The following TRIP4 variants were observed in gnomAD, a reference collection of about 807,000 sequenced individuals.
TRIP4 encodes the protein thyroid hormone receptor interactor 4.
Under a neutral mutation model 81.8 loss-of-function variants are expected in TRIP4, and 54 were observed. That is an observed-to-expected ratio of 0.66 (90% CI 0.53 to 0.83). The LOEUF (loss-of-function observed/expected upper bound fraction) is 0.83. Among genes scored for constraint, TRIP4 ranks in the 40% least tolerant of loss-of-function variants. The pLI is 0.00. For missense variants in TRIP4, 662 were observed against 683.6 expected, an observed-to-expected ratio of 0.97 and a Z score of 0.35; for synonymous variants, 270 against 242.8, an observed-to-expected ratio of 1.11 and a Z score of -1.04.
intron 9 of TRIP4, among the ~76,000 whole-genome samples, chr15:64,422,333 A>T (rs975208489): frequency 6.6e-6 from 1 of 152,220 alleles, no homozygotes; most frequent in African/African-American, 2.4e-5. Flanking sequence ...TTCAGGCTTC[A>T]GACGTTTCTC....
Position 64,399,973 on chromosome 15 carries a change from C to CA in TRIP4, c.619-757dup, listed in dbSNP as rs777165797. On this transcript the variant is annotated intron_variant, in intron 4 of 12. Transcript: ENST00000261884. ...CTGGGTGACAAAGCCACACCCTGCT[C>CA]AAAAAAAAAAAAAGAAAGAAAAAAA... Among the ~76,000 whole-genome samples, 91 of 87,390 alleles carry CA rather than the reference C, an allele frequency of 1.0e-3. 1 individual carries two copies. Among genetic ancestry groups the CA allele is most frequent in the South Asian group, 1.7e-3 (5 of 2,886 alleles). 57.3% of individuals were successfully genotyped at this position (87,390 alleles called of 152,430 possible).
chr15:64,403,976 G>A (rs1416731101), intron 5 of TRIP4, among the ~76,000 whole-genome samples: 1 of 151,996 alleles, frequency 6.6e-6, no homozygotes, highest in African/African-American at 2.4e-5. Context: ...CGGATCACCT[G>A]AGGTTGGGAG....
chr15:64,451,885 T>C (rs570748001), intron 12 of TRIP4, among the ~76,000 whole-genome samples: 1 of 151,440 alleles, frequency 6.6e-6, no homozygotes, highest in East Asian at 1.9e-4. Context: ...ACTTCTGACC[T>C]TAGGTGATCT....
At chr15:64,428,448 TC>T (rs1892198020) in intron 11 of TRIP4, among the ~76,000 whole-genome samples, 1 of 152,200 alleles carries the variant, frequency 6.6e-6, no homozygotes, top group African/African-American at 2.4e-5. Context: ...AGTGCAGGAA[TC>T]CTCCCATATG....
chr15:64,404,588 G>A (rs1477208966), intron 5 of TRIP4, among the ~76,000 whole-genome samples: 1 of 152,116 alleles, frequency 6.6e-6, no homozygotes, highest in African/African-American at 2.4e-5. Flanking sequence ...TGGGATTACA[G>A]GCATGAACCA....
In TRIP4 at chr15:64,409,786, A is replaced by C; in HGVS notation, c.1001A>C (p.Lys334Thr). 6.2e-7 allele frequency: 1 copy of C among 1,614,188 alleles called. No homozygotes were observed. The highest frequency in any genetic ancestry group is 2.2e-5 in the East Asian group (1 of 44,884). ...KKVTIDFAGR[K>T]ILEEENSLAE... ...GTCACCATTGACTTTGCAGGAAGGAAGATCCTGGAAGAAGAAAATTCACTA... is the reference window on the plus strand; with the variant it reads ...GTCACCATTGACTTTGCAGGAAGGACGATCCTGGAAGAAGAAAATTCACTA... Residue 334 changes from lysine (K) to threonine (T), a missense_variant, in exon 7 of 13, where the codon AAG (lysine) becomes ACG (threonine). Physicochemically the swap from Lys to Thr is moderately conservative, Grantham distance 78 (BLOSUM62 -1). Transcript: ENST00000261884.
At chr15:64,451,503 ACT>A (rs1349387073) in intron 12 of TRIP4, among the ~76,000 whole-genome samples, 44 of 94,450 alleles carry the variant, frequency 4.7e-4, no homozygotes, top group African/African-American at 1.9e-3. Flanking sequence ...AGTGGGTCTC[ACT>A]CTGTCACCCA....
chr15:64,389,384 C>A (rs1389035584), intron 1 of TRIP4, among the ~76,000 whole-genome samples: 2 of 152,030 alleles, frequency 1.3e-5, no homozygotes, highest in South Asian at 2.1e-4. Context: ...TTATTCCCAG[C>A]ACTTTGGGAG....
chr15:64,426,099 T>A (rs1302900039), intron 11 of TRIP4, among the ~76,000 whole-genome samples: 2 of 151,798 alleles, frequency 1.3e-5, no homozygotes, highest in Admixed American at 1.3e-4. Flanking sequence ...AAAAAAAAGC[T>A]ATTGCCACAA....
At chr15:64,439,000 T>A (rs1892460456) in intron 11 of TRIP4, among the ~76,000 whole-genome samples, 1 of 152,234 alleles carries the variant, frequency 6.6e-6, no homozygotes, top group South Asian at 2.1e-4. Context: ...ATACTAGGCA[T>A]GTGACTTGAA....
chr15:64,395,571 G>A (rs1206134799), intron 3 of TRIP4, 40 bp downstream of exon 3: 1 of 1,579,308 alleles, frequency 6.3e-7, no homozygotes, highest in Non-Finnish European at 8.6e-7. Context: ...GACTATTGGA[G>A]AAGAGGAAGT....
At position 64,455,059 on chromosome 15, in the gene TRIP4, G is replaced by C; in HGVS notation, c.1741G>C (p.Val581Leu). Residue 581 changes from valine to leucine, a missense_variant, in exon 13 of 13, where the codon GTC (valine) becomes CTC (leucine). By Grantham distance (32) the Val-to-Leu change is conservative. Transcript: ENST00000261884. ...GGGGTTAATGAAGCAGAATAAAGCT[G>C]TCTGACCCAGGAGAAAAGGAACTAT... ...KKGLMKQNKA[V>L] 1 of 1,614,038 alleles carries C rather than the reference G, an allele frequency of 6.2e-7. No homozygotes were observed. Among genetic ancestry groups the C allele is most frequent in the Non-Finnish European group, 8.5e-7 (1 of 1,179,944 alleles).
rs188169554 is a variant in TRIP4 at position 64,432,775 on chromosome 15, G to A, written c.1575+7144G>A. 3.9e-5 allele frequency among the ~76,000 whole-genome samples: 6 copies of A among 151,900 alleles called. No homozygotes were observed. The East Asian group carries it at 7.7e-4, about 20-fold the overall frequency. On this transcript the variant is annotated intron_variant, in intron 11 of 12. Transcript: ENST00000261884. ...AAATACAAAAAATTAGCTGGGCGTC[G>A]TGGCATGCGCCTGTAATCCCAGCTA...
intron 12 of TRIP4, among the ~76,000 whole-genome samples, chr15:64,452,201 G>C (rs1892782272): frequency 6.6e-6 from 1 of 151,684 alleles, no homozygotes; most frequent in Admixed American, 6.6e-5. Flanking sequence ...AGACTGGTCT[G>C]GAACTTCTGG....
At chr15:64,405,338 T>G (rs1891600179) in intron 5 of TRIP4, among the ~76,000 whole-genome samples, 2 of 152,036 alleles carry the variant, frequency 1.3e-5, no homozygotes, top group South Asian at 2.1e-4. Context: ...GTATTTTTAG[T>G]GGAGACAGGG....
intron 8 of TRIP4, among the ~76,000 whole-genome samples, chr15:64,416,770 G>T (rs1891898686): frequency 6.6e-6 from 1 of 151,964 alleles, no homozygotes; most frequent in African/African-American, 2.4e-5. Context: ...TGTCTCCCTA[G>T]TTAATGTGCT....
In TRIP4 at chr15:64,387,965, G is replaced by A. The variant is rs1352224078; in HGVS notation, c.101+1G>A. On this transcript the variant is annotated splice_donor_variant, in intron 1 of 12. Coordinates refer to ENST00000261884, the MANE Select transcript of TRIP4 (RefSeq NM_016213.5). LOFTEE classifies it high-confidence loss of function. ...TGGATGTCAGCGAGGAGATCATTCA[G>A]TGAGAACAGTTCGGGTCCAAGCGGG... is the stretch of plus-strand genomic sequence containing the variant. 4 of 1,549,704 alleles carry A rather than the reference G, an allele frequency of 2.6e-6. No homozygotes were observed. The highest frequency in any genetic ancestry group is 2.6e-6 in the Non-Finnish European group (3 of 1,146,146).
rs541111961 is a variant in TRIP4, at chr15:64,389,153, G to A, written c.101+1189G>A. On this transcript the variant is annotated intron_variant, in intron 1 of 12. Transcript: ENST00000261884. ...GTGGCGGTCCAAAGTGTTCAGGCAGGGGAGAAAACTACAAAAATGGGACTT... is the reference window on the plus strand; with the variant it reads ...GTGGCGGTCCAAAGTGTTCAGGCAGAGGAGAAAACTACAAAAATGGGACTT... Among the ~76,000 whole-genome samples the A allele has an allele frequency of 4.6e-5, 7 of 152,248 alleles. No homozygotes were observed. In the South Asian group the frequency reaches 1.2e-3, roughly 27 times the overall value.
intron 7 of TRIP4, 61 bp downstream of exon 7, chr15:64,409,889 C>G: frequency 6.9e-7 from 1 of 1,458,562 alleles, no homozygotes; most frequent in South Asian, 1.2e-5. Flanking sequence ...AAAGGATTTT[C>G]CCTTTCTAGT....
Sources: allele counts gnomAD v4.1 joint callset (sites outside exome capture counted in the v4.1 genomes callset), GRCh38; gene constraint gnomAD v4.1.1; transcripts MANE v1.5; gene names NCBI Gene and HGNC (gene_info 2026-07-23, HGNC 2026-07-21).